The following MAPT variants were observed in gnomAD, a reference collection of about 807,000 sequenced individuals.
MAPT encodes microtubule-associated protein tau.
In MAPT, 34 loss-of-function variants were observed where a neutral mutation model predicts 67.9. The observed-to-expected ratio is 0.50, with a 90% confidence interval of 0.38 to 0.67. The LOEUF is 0.67. MAPT is among the 30% of genes least tolerant of loss of function. The pLI is 0.00. For missense variants in MAPT, 881 were observed against 1,115.2 expected, an observed-to-expected ratio of 0.79 and a Z score of 2.99; for synonymous variants, 456 against 464.5, an observed-to-expected ratio of 0.98 and a Z score of 0.23.
rs551729910 is a variant in MAPT at position 45,976,873 on chromosome 17, G to A, written c.221-1502G>A. Reference sequence around the variant, plus strand: ...GTGCCGTGGCAGTGACCGTGTCCGAGGAAGCCTCCTCACACCCTCTGTCTC... The same window carrying A: ...GTGCCGTGGCAGTGACCGTGTCCGAAGAAGCCTCCTCACACCCTCTGTCTC... On this transcript the variant is annotated intron_variant, in intron 3 of 12. Transcript: ENST00000262410. 5 of 152,456 alleles carry A rather than the reference G, an allele frequency of 3.3e-5. No homozygotes were observed. In the East Asian group the frequency reaches 9.6e-4, roughly 29 times the overall value. 9.4% of individuals were successfully genotyped at this position (152,456 alleles called of 1,614,324 possible).
At chr17:45,927,208 T>C (rs752170174) in intron 1 of MAPT, among the ~76,000 whole-genome samples, 10 of 152,068 alleles carry the variant, frequency 6.6e-5, no homozygotes, top group Admixed American at 1.3e-4. Context: ...AAGCCCTCCA[T>C]TGGAATGCTG....
chr17:45,912,902 G>A (rs1378229638), intron 1 of MAPT, among the ~76,000 whole-genome samples: 1 of 152,190 alleles, frequency 6.6e-6, no homozygotes, highest in Non-Finnish European at 1.5e-5. Flanking sequence ...TGTAAACACA[G>A]TACCACCGAA....
At chr17:45,985,586 C>A in intron 5 of MAPT, 1 of 569,532 alleles carries the variant, frequency 1.8e-6, no homozygotes, top group Non-Finnish European at 2.2e-6. Context: ...GTACTAATGG[C>A]CATTGTGACC....
intron 1 of MAPT, among the ~76,000 whole-genome samples, chr17:45,919,085 G>C (rs1170097519): frequency 6.6e-6 from 1 of 150,952 alleles, no homozygotes; most frequent in South Asian, 2.1e-4. Flanking sequence ...AAAAAGAAAA[G>C]AAAAAGAATT....
chr17:45,953,290 C>T (rs1436355386), intron 1 of MAPT, among the ~76,000 whole-genome samples: 1 of 152,222 alleles, frequency 6.6e-6, no homozygotes, highest in Non-Finnish European at 1.5e-5. Flanking sequence ...TATTTTCTGC[C>T]TATGTCAAGT....
intron 1 of MAPT, among the ~76,000 whole-genome samples, chr17:45,918,445 C>T (rs1263348633): frequency 2.0e-5 from 3 of 152,172 alleles, no homozygotes; most frequent in Admixed American, 6.5e-5. Context: ...GTAGCTGGAC[C>T]TCTCTGAGCC....
chr17:45,999,634 G>A (rs766117197), intron 9 of MAPT: 2 of 1,610,306 alleles, frequency 1.2e-6, no homozygotes, highest in East Asian at 2.2e-5. Flanking sequence ...GCCCATGAGG[G>A]GTGAGAGTCA....
rs888278969 is a variant in MAPT, at chr17:46,025,991, A to AGAT, written c.*1822_*1824dup. On this transcript the variant is annotated 3_prime_UTR_variant, in exon 13 of 13. Coordinates refer to ENST00000262410, the MANE Select transcript of MAPT (RefSeq NM_001377265.1). ...TGCTGGAGCAGCTGAACATATACAT[A>AGAT]GATGTTGCCCTGCCCTCCCCATCTG... 14 of 151,708 alleles carry AGAT rather than the reference A, an allele frequency of 9.2e-5. No homozygotes were observed. The highest frequency in any genetic ancestry group is 3.4e-4 in the African/African-American group (14 of 41,252). The allele number at this position is 151,708 out of a possible 1,614,324, so 9.4% of individuals were successfully genotyped here. A position where few individuals can be genotyped will look rare whatever the true frequency, so the allele number is the denominator to read the frequency against.
chr17:45,964,201 T>TTTTTG (rs538689105), intron 2 of MAPT, among the ~76,000 whole-genome samples: 2 of 152,088 alleles, frequency 1.3e-5, no homozygotes, highest in African/African-American at 2.4e-5. Context: ...GTTTTGTTTT[T>TTTTTG]TTTTGTTTTG....
intron 2 of MAPT, among the ~76,000 whole-genome samples, chr17:45,967,582 G>T (rs1206522071): frequency 6.6e-6 from 1 of 152,226 alleles, no homozygotes; most frequent in Non-Finnish European, 1.5e-5. Flanking sequence ...GGTGCAGCCA[G>T]GGCCAGGTGT....
chr17:45,931,697 A>T (rs527658569), intron 1 of MAPT: 1 of 152,366 alleles, frequency 6.6e-6, no homozygotes, highest in Non-Finnish European at 1.5e-5. Context: ...AACTCAGCAA[A>T]ATATATCATC....
At position 46,012,136 on chromosome 17, in the gene MAPT, G is replaced by A. The variant is rs1013288813; in HGVS notation, c.2091+1734G>A. On this transcript the variant is annotated intron_variant, in intron 10 of 12. Coordinates refer to ENST00000262410, the MANE Select transcript of MAPT (RefSeq NM_001377265.1). ...AAAGTGAGCTCGGCCAGAGGAGGAA[G>A]GCCATGTGCTTTCTGGTTGAAGTCA... 2.6e-5 allele frequency among the ~76,000 whole-genome samples: 4 copies of A among 152,208 alleles called. No individual in the cohort carries two copies. The South Asian group carries it at 8.3e-4, about 32-fold the overall frequency.
At position 45,897,876 on chromosome 17, in the gene MAPT, G is replaced by A. The variant is rs1054369119; in HGVS notation, c.-18+3190G>A. On this transcript the variant is annotated intron_variant, in intron 1 of 12. Coordinates refer to ENST00000262410, the MANE Select transcript of MAPT (RefSeq NM_001377265.1). This position sits in a 1 kb window ranked among gnomAD's most constrained non-coding sequence, Gnocchi z 5.0. ...GCCCCTTAACTGACCCATCCTACAG[G>A]AGACAGGGAAATGTCTTTCCTACCG... is the stretch of plus-strand genomic sequence containing the variant. The A allele has an allele frequency of 1.3e-5, 2 of 152,192 alleles. No individual in the cohort carries two copies. Among genetic ancestry groups the A allele is most frequent in the African/African-American group, 4.8e-5 (2 of 41,420 alleles). 9.4% of individuals were successfully genotyped at this position (152,192 alleles called of 1,614,324 possible). A position where few individuals can be genotyped will look rare whatever the true frequency, so the allele number is the denominator to read the frequency against.
intron 1 of MAPT, among the ~76,000 whole-genome samples, chr17:45,901,360 G>A (rs1270357952): frequency 1.3e-5 from 2 of 152,208 alleles, no homozygotes; most frequent in Non-Finnish European, 2.9e-5. Flanking sequence ...AGTGAGGGCT[G>A]ATCGAGAAAG....
chr17:45,983,160 C>T lies in MAPT; in HGVS notation c.581C>T (p.Thr194Ile). ...CCGGCCTTTCCGAAGCCCGCCACCA[C>T]TGCGTATCTCCACACAGAGCCTGAA... The part of the protein sequence containing the change: ...KGPAFPKPAT[T>I]AYLHTEPESG... The change falls in exon 5 of 13, where the codon ACT (threonine) becomes ATT (isoleucine). Residue 194 changes from threonine (T) to isoleucine (I), a missense_variant. Physicochemically the swap from Thr to Ile is moderately conservative, Grantham distance 89. Transcript: ENST00000262410. 2 of 1,604,526 alleles carry T rather than the reference C, an allele frequency of 1.2e-6. No homozygotes were observed. The highest frequency in any genetic ancestry group is 1.1e-5 in the South Asian group (1 of 89,232).
At chr17:45,938,273 T>A (rs960843382) in intron 1 of MAPT, among the ~76,000 whole-genome samples, 1 of 152,238 alleles carries the variant, frequency 6.6e-6, no homozygotes, top group Non-Finnish European at 1.5e-5. Context: ...ATCCATTTTC[T>A]TCCTTTTTCC....
At chr17:45,937,211 A>T (rs2067416746) in intron 1 of MAPT, among the ~76,000 whole-genome samples, 1 of 152,118 alleles carries the variant, frequency 6.6e-6, no homozygotes, top group Non-Finnish European at 1.5e-5. Flanking sequence ...AGAGCTGTGA[A>T]AGGAGAGGCC....
chr17:45,896,012 C>G lies in MAPT; in HGVS notation c.-18+1326C>G, dbSNP rs1011862724. ...GGTTACGTGATCTGCGCTCCCAGCCCTGGTTTCTGGCTTTTATTCTGAGGG... is the reference window on the plus strand; with the variant it reads ...GGTTACGTGATCTGCGCTCCCAGCCGTGGTTTCTGGCTTTTATTCTGAGGG... On this transcript the variant is annotated intron_variant, in intron 1 of 12. Coordinates refer to ENST00000262410, the MANE Select transcript of MAPT (RefSeq NM_001377265.1). The surrounding 1 kb of genome is among the most constrained non-coding windows in gnomAD (Gnocchi z 5.6). 1 of 152,380 alleles carries G rather than the reference C, an allele frequency of 6.6e-6. No homozygotes were observed. The highest frequency in any genetic ancestry group is 1.5e-5 in the Non-Finnish European group (1 of 68,176). The allele number at this position is 152,380 out of a possible 1,614,324, so 9.4% of individuals were successfully genotyped here.
chr17:45,994,038 C>A, intron 8 of MAPT: 3 of 1,487,212 alleles, frequency 2.0e-6, no homozygotes, highest in South Asian at 1.2e-5. Context: ...CATTCACTGG[C>A]TTGTGTTTCT....
Sources: allele counts gnomAD v4.1 joint callset (sites outside exome capture counted in the v4.1 genomes callset), GRCh38; gene constraint gnomAD v4.1.1; non-coding constraint Gnocchi (gnomAD v3.1); transcripts MANE v1.5; gene names NCBI Gene and HGNC (gene_info 2026-07-23, HGNC 2026-07-21).